Variants in CHD4 observed in about 807,000 individuals in gnomAD.
The protein encoded by CHD4 is ATP-dependent chromatin remodeler CHD4.
In CHD4, 35 loss-of-function variants were observed where a neutral mutation model predicts 235.5. That is an observed-to-expected ratio of 0.15 (90% CI 0.11 to 0.20). CHD4 has a LOEUF of 0.20. Among genes scored for constraint, CHD4 ranks in the 10% least tolerant of loss-of-function variants. The pLI, the probability that CHD4 is intolerant of heterozygous loss-of-function variation, is 1.00. For synonymous variants in CHD4, 900 were observed against 850.2 expected, an observed-to-expected ratio of 1.06 and a Z score of -1.02; for missense variants, 1,329 against 2,432.3, an observed-to-expected ratio of 0.55 and a Z score of 9.54.
At position 6,579,988 on chromosome 12, in the gene CHD4, G is replaced by A. The variant is rs539377198; in HGVS notation, c.4909+1056C>T. On this transcript the variant is annotated intron_variant, in intron 33 of 39. Transcript: ENST00000544040. ...GGAGAATGGTGTGAACCCGGGAGGC[G>A]GAGTTTGCAGTGAGCCGAGATGGCG... 2.6e-4 allele frequency among the ~76,000 whole-genome samples: 40 copies of A among 151,178 alleles called. 1 individual carries two copies. Among genetic ancestry groups the A allele is most frequent in the South Asian group, 8.3e-4 (4 of 4,794 alleles).
chr12:6,571,299 T>C (rs1021037792), intron 38 of CHD4: 7 of 386,532 alleles, frequency 1.8e-5, no homozygotes, highest in Middle Eastern at 6.7e-4. Flanking sequence ...TTATTCGTTT[T>C]TTCTCTTCTC....
chr12:6,585,976 T>G (rs1948285101), intron 25 of CHD4, among the ~76,000 whole-genome samples: 1 of 151,910 alleles, frequency 6.6e-6, no homozygotes, highest in African/African-American at 2.4e-5. Flanking sequence ...GGTGCATACC[T>G]GTAATCTCAG....
At chr12:6,596,884 G>A (rs1948508627) in intron 12 of CHD4, among the ~76,000 whole-genome samples, 1 of 151,258 alleles carries the variant, frequency 6.6e-6, no homozygotes, top group Admixed American at 6.6e-5. Context: ...ACTTGAGCCT[G>A]AGAGGCGGAG....
chr12:6,604,145 G>A (rs951104252), intron 2 of CHD4, among the ~76,000 whole-genome samples: 1 of 152,014 alleles, frequency 6.6e-6, no homozygotes, highest in Non-Finnish European at 1.5e-5. Flanking sequence ...CATGGTGGTG[G>A]GTGCCTGTAA....
At chr12:6,602,541 T>C (rs766108188) in intron 2 of CHD4, 44 bp from the exon 3 acceptor site, 9 of 1,603,580 alleles carry the variant, frequency 5.6e-6, no homozygotes, top group Admixed American at 1.8e-5. Context: ...AAAAGATCAA[T>C]AGCAAAAGGT....
In CHD4 at chr12:6,602,096, A is replaced by G. The variant is rs1389080999; in HGVS notation, c.302T>C (p.Leu101Pro). Residue 101 changes from leucine (L) to proline (P), a missense_variant, in exon 4 of 40, where the codon CTG becomes CCG. Physicochemically the swap from Leu to Pro is moderately conservative, Grantham distance 98. This residue lies in a region of CHD4 where 213 missense variants were observed against 177.5 expected (regional missense o/e 1.20). Transcript: ENST00000544040. ...GTCGCTGCCCTCACTGTCTGAGCGCAGAGCCACCTCTTCCTCCTCCTCCAC... is the reference window on the plus strand; with the variant it reads ...GTCGCTGCCCTCACTGTCTGAGCGCGGAGCCACCTCTTCCTCCTCCTCCAC... ...EFVEEEEEVA[L>P]RSDSEGSDYT... 1 of 1,613,636 alleles carries G rather than the reference A, an allele frequency of 6.2e-7. No individual in the cohort carries two copies. Among genetic ancestry groups the G allele is most frequent in the East Asian group, 2.2e-5 (1 of 44,852 alleles).
chr12:6,577,105 A>G lies in CHD4; in HGVS notation c.5361+680T>C, dbSNP rs533477869. Among the ~76,000 whole-genome samples, 25 of 152,266 alleles carry G rather than the reference A, an allele frequency of 1.6e-4. 1 individual carries two copies. Among genetic ancestry groups the G allele is most frequent in the African/African-American group, 5.1e-4 (21 of 41,562 alleles). ...GCGTGAGCCACCGCACCTGGCCCAC[A>G]CAGGCACTTTTTAGCCCAGAAAAAA... On this transcript the variant is annotated intron_variant, in intron 37 of 39. Coordinates refer to ENST00000544040, the MANE Select transcript of CHD4 (RefSeq NM_001273.5).
chr12:6,586,375 T>TG (rs1402442962), intron 25 of CHD4, among the ~76,000 whole-genome samples: 1 of 151,984 alleles, frequency 6.6e-6, no homozygotes, highest in Non-Finnish European at 1.5e-5. Context: ...CACTCCAGCC[T>TG]GGGGGAGAGA....
rs1947941986 is a variant in CHD4 at position 6,570,402 on chromosome 12, A to C, written c.*274T>G. The stretch of plus-strand genomic sequence containing the variant: ...GAACCCACAACAGTTTGTGTGTAAC[A>C]GGCGTTACAGTGGGGAGAAGCCAGG... On this transcript the variant is annotated 3_prime_UTR_variant, in exon 40 of 40. Coordinates refer to ENST00000544040, the MANE Select transcript of CHD4 (RefSeq NM_001273.5). 2.0e-6 allele frequency: 1 copy of C among 504,596 alleles called. No homozygotes were observed. Among genetic ancestry groups the C allele is most frequent in the Non-Finnish European group, 3.5e-6 (1 of 283,752 alleles). The allele number at this position is 504,596 out of a possible 1,614,324, so 31.3% of individuals were successfully genotyped here.
chr12:6,582,404 C>A, intron 29 of CHD4, 123 bp from the exon 30 acceptor site: 1 of 1,329,542 alleles, frequency 7.5e-7, no homozygotes, highest in Non-Finnish European at 1.0e-6. Context: ...TAAAGCCCAC[C>A]ACTGCACGGG....
At position 6,570,992 on chromosome 12, in the gene CHD4, A is replaced by G; in HGVS notation, c.5598T>C (p.Ala1866=). ...TGGTAGCTGGGAGTCGAGTCACATC[A>G]GCTTTCATGTCACTCAGCAGTTCTT... The part of the protein sequence containing the change: ...QLEELLSDMK[A]DVTRLPATIA... The change falls in exon 39 of 40, where the codon GCT becomes GCC. Residue 1866 remains alanine (A), a synonymous_variant. Transcript: ENST00000544040. The G allele has an allele frequency of 6.2e-7, 1 of 1,614,162 alleles. No homozygotes were observed. Among genetic ancestry groups the G allele is most frequent in the Non-Finnish European group, 8.5e-7 (1 of 1,180,030 alleles).
At chr12:6,602,208 GACACACACATGCT>G (rs1444354345) in intron 3 of CHD4, 33 bp from the exon 4 acceptor site, 1 of 1,609,930 alleles carries the variant, frequency 6.2e-7, no homozygotes, top group Non-Finnish European at 8.5e-7. Context: ...GAGGGAGACA[GACACACACATGCT>G]ACACACATGC....
At chr12:6,575,867 T>C (rs1353744805) in intron 37 of CHD4, among the ~76,000 whole-genome samples, 1 of 152,176 alleles carries the variant, frequency 6.6e-6, no homozygotes, top group Admixed American at 6.5e-5. Context: ...GGCTATCTGC[T>C]ATTTCCAGAC....
intron 12 of CHD4, 91 bp from the exon 13 acceptor site, chr12:6,596,228 C>G: frequency 6.6e-7 from 1 of 1,520,752 alleles, no homozygotes. Context: ...TGTTTCACAC[C>G]AGACCTCTAG....
intron 25 of CHD4, among the ~76,000 whole-genome samples, chr12:6,585,785 T>C (rs1408971430): frequency 7.5e-6 from 1 of 133,558 alleles, no homozygotes; most frequent in Admixed American, 7.1e-5. Context: ...CAAGACTCTG[T>C]CTCAAAAAAA....
At chr12:6,585,872 C>T (rs1480484284) in intron 25 of CHD4, among the ~76,000 whole-genome samples, 4 of 150,248 alleles carry the variant, frequency 2.7e-5, no homozygotes, top group African/African-American at 9.8e-5. Flanking sequence ...CCGAGGCAGG[C>T]GGATCACTTG....
In CHD4 at chr12:6,581,030, G is replaced by T. The variant is rs1315641229; in HGVS notation, c.4909+14C>A. 1 of 1,611,656 alleles carries T rather than the reference G, an allele frequency of 6.2e-7. No homozygotes were observed. The highest frequency in any genetic ancestry group is 1.3e-5 in the African/African-American group (1 of 74,704). ...AAACAAACAAACAAACAAAAAAAAT[G>T]TGGATACCTTTACCTTTGGGCTCTG... On this transcript the variant is annotated intron_variant, in intron 33 of 39. Coordinates refer to ENST00000544040, the MANE Select transcript of CHD4 (RefSeq NM_001273.5).
At chr12:6,605,919 C>T (rs1277458563) in intron 2 of CHD4, among the ~76,000 whole-genome samples, 2 of 152,292 alleles carry the variant, frequency 1.3e-5, no homozygotes, top group East Asian at 1.9e-4. Flanking sequence ...GAATCCTCAA[C>T]GCCCCCCTCC....
intron 34 of CHD4, 34 bp from the exon 35 acceptor site, chr12:6,578,580 A>T (rs1948113807): frequency 1.0e-5 from 16 of 1,606,684 alleles, no homozygotes; most frequent in Admixed American, 3.4e-5. Context: ...TGTCAGCTCC[A>T]GCCAAAGCCC....
Sources: allele counts gnomAD v4.1 joint callset (sites outside exome capture counted in the v4.1 genomes callset), GRCh38; gene constraint gnomAD v4.1.1; regional missense constraint gnomAD v4.1.1; transcripts MANE v1.5; gene names NCBI Gene and HGNC (gene_info 2026-07-23, HGNC 2026-07-21).